The following KCTD8 variants were observed in gnomAD, a reference collection of about 807,000 sequenced individuals.
KCTD8 encodes the protein BTB/POZ domain-containing protein KCTD8.
A neutral mutation model predicts 31.5 loss-of-function variants in KCTD8; 27 were observed. The ratio of observed to expected loss-of-function variants is 0.86; its 90% CI spans 0.63 to 1.18. The LOEUF is 1.18. KCTD8 is among the 50% of genes most tolerant of loss of function. The pLI is 0.00. For synonymous variants in KCTD8, 290 were observed against 280.0 expected, an observed-to-expected ratio of 1.04 and a Z score of -0.36; for missense variants, 658 against 647.7, an observed-to-expected ratio of 1.02 and a Z score of -0.17.
chr4:44,444,636 T>C (rs1261519576), intron 1 of KCTD8, among the ~76,000 whole-genome samples: 1 of 152,126 alleles, frequency 6.6e-6, no homozygotes, highest in African/African-American at 2.4e-5. Flanking sequence ...ACTGATACTG[T>C]GATAACTCCT....
chr4:44,188,599 G>A (rs1713664605), intron 1 of KCTD8, among the ~76,000 whole-genome samples: 2 of 152,154 alleles, frequency 1.3e-5, no homozygotes, highest in Admixed American at 1.3e-4. Context: ...CACTTTCCAT[G>A]AAAAAGTCTT....
At chr4:44,442,128 A>AT (rs1272092841) in intron 1 of KCTD8, among the ~76,000 whole-genome samples, 4 of 152,138 alleles carry the variant, frequency 2.6e-5, no homozygotes, top group Non-Finnish European at 5.9e-5. Context: ...AAGGAAATGA[A>AT]TTAAGATTTT....
chr4:44,440,518 G>A (rs543653711), intron 1 of KCTD8, among the ~76,000 whole-genome samples: 5 of 152,202 alleles, frequency 3.3e-5, no homozygotes, highest in African/African-American at 1.2e-4. Flanking sequence ...TTATTCATAT[G>A]TGTATGTCTT....
At chr4:44,356,892 T>C (rs923869172) in intron 1 of KCTD8, among the ~76,000 whole-genome samples, 2 of 152,194 alleles carry the variant, frequency 1.3e-5, no homozygotes, top group East Asian at 1.9e-4. Context: ...AGGATATTGA[T>C]GACCATCATG....
intron 1 of KCTD8, among the ~76,000 whole-genome samples, chr4:44,339,829 A>G (rs145867476): frequency 1.7e-4 from 26 of 152,308 alleles, no homozygotes; most frequent in Admixed American, 1.1e-3. Flanking sequence ...GCAAAAATAT[A>G]TTTCAGATAA....
intron 1 of KCTD8, among the ~76,000 whole-genome samples, chr4:44,391,560 C>T (rs1219336512): frequency 6.6e-6 from 1 of 151,412 alleles, no homozygotes; most frequent in African/African-American, 2.4e-5. Context: ...TTTCTCTTCT[C>T]TAGGCTAATT....
At chr4:44,378,987 T>A (rs577891145) in intron 1 of KCTD8, among the ~76,000 whole-genome samples, 1 of 152,256 alleles carries the variant, frequency 6.6e-6, no homozygotes, top group East Asian at 1.9e-4. Flanking sequence ...GACCCCATCT[T>A]TCATCTTCAA....
At chr4:44,401,006 TCTTTC>T (rs1720636907) in intron 1 of KCTD8, among the ~76,000 whole-genome samples, 1 of 122,384 alleles carries the variant, frequency 8.2e-6, no homozygotes. Context: ...TGGCTAATTT[TCTTTC>T]TTTTTTTTTT....
intron 1 of KCTD8, among the ~76,000 whole-genome samples, chr4:44,265,353 TA>T (rs1716313250): frequency 6.6e-6 from 1 of 152,028 alleles, no homozygotes; most frequent in Admixed American, 6.6e-5. Context: ...GAAGGAAAAC[TA>T]ACAAACAGAA....
At chr4:44,206,273 C>T (rs754902116) in intron 1 of KCTD8, among the ~76,000 whole-genome samples, 7 of 152,000 alleles carry the variant, frequency 4.6e-5, no homozygotes, top group South Asian at 2.1e-4. Context: ...AACAATTACA[C>T]GGTAACCAGG....
intron 1 of KCTD8, among the ~76,000 whole-genome samples, chr4:44,286,207 T>G (rs965115523): frequency 2.0e-5 from 3 of 152,130 alleles, no homozygotes; most frequent in African/African-American, 7.2e-5. Context: ...CCGAGTATAT[T>G]TCAACAACTC....
At chr4:44,268,063 T>A (rs1028995645) in intron 1 of KCTD8, among the ~76,000 whole-genome samples, 1 of 152,170 alleles carries the variant, frequency 6.6e-6, no homozygotes, top group African/African-American at 2.4e-5. Context: ...ATCATCCTGA[T>A]TCCAAAGCCT....
chr4:44,344,211 G>A lies in KCTD8; in HGVS notation c.961+103352C>T, dbSNP rs556025553. Among the ~76,000 whole-genome samples the A allele has an allele frequency of 3.6e-4, 55 of 151,572 alleles. 1 individual carries two copies. Among genetic ancestry groups the A allele is most frequent in the South Asian group, 1.5e-3 (7 of 4,774 alleles). Reference sequence around the variant, plus strand: ...AATTAATTAAGTTTTTAGAGACAAGGTCTCACTCTGTCGCCCAGGCTGCAG... The same window carrying A: ...AATTAATTAAGTTTTTAGAGACAAGATCTCACTCTGTCGCCCAGGCTGCAG... On this transcript the variant is annotated intron_variant, in intron 1 of 1. Coordinates refer to ENST00000360029, the MANE Select transcript of KCTD8 (RefSeq NM_198353.3).
intron 1 of KCTD8, among the ~76,000 whole-genome samples, chr4:44,252,451 T>C (rs1715869639): frequency 6.6e-6 from 1 of 151,802 alleles, no homozygotes; most frequent in Non-Finnish European, 1.5e-5. Flanking sequence ...TTTTCCATAG[T>C]AGTTGTACTA....
rs192435427 is a variant in KCTD8 at position 44,297,560 on chromosome 4, C to T, written c.962-122310G>A. ...ACTACCATTAACTTGCACTTTAATA[C>T]ATCTTTGAAAAATAATGTCCCTGCT... On this transcript the variant is annotated intron_variant, in intron 1 of 1. Transcript: ENST00000360029. Among the ~76,000 whole-genome samples the T allele has an allele frequency of 4.8e-3, 736 of 152,180 alleles. 1 individual carries two copies. Among genetic ancestry groups the T allele is most frequent in the Non-Finnish European group, 9.0e-3 (610 of 67,958 alleles).
chr4:44,424,810 T>G (rs1046833804), intron 1 of KCTD8, among the ~76,000 whole-genome samples: 3 of 152,212 alleles, frequency 2.0e-5, no homozygotes, highest in Admixed American at 6.5e-5. Context: ...ATAATAACAT[T>G]AATAAACACT....
At chr4:44,177,509 G>C (rs894160441) in intron 1 of KCTD8, among the ~76,000 whole-genome samples, 1 of 152,166 alleles carries the variant, frequency 6.6e-6, no homozygotes, top group Non-Finnish European at 1.5e-5. Flanking sequence ...TGTCATGGGA[G>C]GGACCCAGTG....
chr4:44,431,556 T>C, intron 1 of KCTD8, among the ~76,000 whole-genome samples: 1 of 151,520 alleles, frequency 6.6e-6, no homozygotes, highest in African/African-American at 2.4e-5. Flanking sequence ...AATGCTGAGC[T>C]TCATAAAAAA....
Position 44,222,021 on chromosome 4 carries a change from T to G in KCTD8, c.962-46771A>C, listed in dbSNP as rs184913720. 5.5e-4 allele frequency among the ~76,000 whole-genome samples: 84 copies of G among 152,344 alleles called. 1 individual carries two copies. The East Asian group carries it at 6.6e-3, about 12-fold the overall frequency. Reference sequence around the variant, plus strand: ...CAACAATAAAATCAATAACCATGTCTGTGATAGGCACACTAAGGAAAATAA... The same window carrying G: ...CAACAATAAAATCAATAACCATGTCGGTGATAGGCACACTAAGGAAAATAA... On this transcript the variant is annotated intron_variant, in intron 1 of 1. Transcript: ENST00000360029.
Sources: allele counts gnomAD v4.1 joint callset (sites outside exome capture counted in the v4.1 genomes callset), GRCh38; gene constraint gnomAD v4.1.1; transcripts MANE v1.5; gene names NCBI Gene and HGNC (gene_info 2026-07-23, HGNC 2026-07-21).